Variants in PTPRT observed in about 807,000 individuals in gnomAD.
The protein encoded by PTPRT is receptor-type tyrosine-protein phosphatase T.
PTPRT carries 56 observed loss-of-function variants against 176.8 expected under a neutral mutation model. That is an observed-to-expected ratio of 0.32 (90% CI 0.26 to 0.40). The LOEUF (loss-of-function observed/expected upper bound fraction) is 0.40, where lower values mean the gene tolerates loss of function less well. PTPRT is among the 10% of genes least tolerant of loss of function. The pLI is 1.00. For synonymous variants in PTPRT, 783 were observed against 739.0 expected (o/e 1.06, Z -0.96); for missense variants, 1,540 against 1,908.2 (o/e 0.81, Z 3.60).
At chr20:42,725,776 A>G (rs2076369708) in intron 6 of PTPRT, among the ~76,000 whole-genome samples, 1 of 152,032 alleles carries the variant, frequency 6.6e-6, no homozygotes, top group Non-Finnish European at 1.5e-5. Context: ...TCAAAGATTT[A>G]GAACCAGAAA....
chr20:42,232,526 G>A (rs1029635012), intron 15 of PTPRT, among the ~76,000 whole-genome samples: 3 of 152,000 alleles, frequency 2.0e-5, no homozygotes, highest in Non-Finnish European at 2.9e-5. Context: ...GCTCCCCCTC[G>A]GGGCATATAC....
intron 2 of PTPRT, among the ~76,000 whole-genome samples, chr20:42,826,274 C>T (rs1403369342): frequency 6.6e-6 from 1 of 152,190 alleles, no homozygotes; most frequent in Non-Finnish European, 1.5e-5. Flanking sequence ...GAAGGCTTAT[C>T]TTTGGAAAAA....
At chr20:42,404,515 G>A (rs1218988346) in intron 9 of PTPRT, among the ~76,000 whole-genome samples, 2 of 152,078 alleles carry the variant, frequency 1.3e-5, no homozygotes, top group Non-Finnish European at 2.9e-5. Context: ...TGACTACAGG[G>A]CACTTAGAGA....
Position 42,128,827 on chromosome 20 carries a change from T to C in PTPRT, c.2774A>G (p.Asp925Gly). The C allele has an allele frequency of 6.2e-7, 1 of 1,605,634 alleles. No individual in the cohort carries two copies. The highest frequency in any genetic ancestry group is 8.5e-7 in the Non-Finnish European group (1 of 1,175,448). ...CACCAGCAGCCTCACCCGGGAATGG[T>C]CGTCTGCAGAGAGAGCAGAAATCAA... The part of the protein sequence containing the change: ...KNRYGNIISY[D>G]HSRVRLLVLD... The change falls in exon 19 of 31, where the codon GAC (aspartate) becomes GGC (glycine). Residue 925 changes from aspartate to glycine, a missense_variant. By Grantham distance (94) the Asp-to-Gly change is moderately conservative. Around this residue, in one of 11 missense-constraint regions of PTPRT, gnomAD observed 248 missense variants for 356.7 expected, o/e 0.70. Coordinates refer to ENST00000373187, the MANE Select transcript of PTPRT (RefSeq NM_007050.6).
chr20:42,911,028 A>G (rs1391568784), intron 1 of PTPRT, among the ~76,000 whole-genome samples: 1 of 152,106 alleles, frequency 6.6e-6, no homozygotes, highest in Non-Finnish European at 1.5e-5. Flanking sequence ...CTATCAGGAG[A>G]GCAGCATGGG....
rs934797614 is a variant in PTPRT at position 42,211,059 on chromosome 20, C to T, written c.2343-11671G>A. Among the ~76,000 whole-genome samples the T allele has an allele frequency of 5.8e-3, 877 of 152,116 alleles. 10 individuals are homozygous for T. The highest frequency in any genetic ancestry group is 0.02 in the African/African-American group (827 of 41,464). Reference sequence around the variant, plus strand: ...AAGCAATGGGGAAAGGATTCCCTCTCTAATAAATGGTGCTGGGTAAACTGG... The same window carrying T: ...AAGCAATGGGGAAAGGATTCCCTCTTTAATAAATGGTGCTGGGTAAACTGG... On this transcript the variant is annotated intron_variant, in intron 15 of 30. Coordinates refer to ENST00000373187, the MANE Select transcript of PTPRT (RefSeq NM_007050.6).
chr20:42,634,069 A>AT (rs1385963166), intron 7 of PTPRT, among the ~76,000 whole-genome samples: 1 of 38,900 alleles, frequency 2.6e-5, no homozygotes, highest in African/African-American at 1.2e-4. Flanking sequence ...TATATAATAT[A>AT]TATATAATAT....
At chr20:42,081,186 G>A (rs968072221) in intron 30 of PTPRT, among the ~76,000 whole-genome samples, 1 of 151,960 alleles carries the variant, frequency 6.6e-6, no homozygotes, top group Non-Finnish European at 1.5e-5. Flanking sequence ...TGTACAACAG[G>A]GCTTCTCAAA....
intron 1 of PTPRT, among the ~76,000 whole-genome samples, chr20:42,894,827 C>T (rs1181942471): frequency 6.6e-6 from 1 of 152,142 alleles, no homozygotes; most frequent in Non-Finnish European, 1.5e-5. Context: ...GGCTCTGCCC[C>T]TTCACCTCAT....
At chr20:42,609,567 ACT>A (rs1426230437) in intron 7 of PTPRT, among the ~76,000 whole-genome samples, 1 of 152,114 alleles carries the variant, frequency 6.6e-6, no homozygotes, top group Non-Finnish European at 1.5e-5. Flanking sequence ...CAAATCCAAC[ACT>A]GACTCTTTGC....
At chr20:42,289,365 A>C (rs939393227) in intron 12 of PTPRT, among the ~76,000 whole-genome samples, 1 of 152,096 alleles carries the variant, frequency 6.6e-6, no homozygotes, top group Non-Finnish European at 1.5e-5. Context: ...AGGAGAAAAT[A>C]TTTGTAAACT....
intron 6 of PTPRT, among the ~76,000 whole-genome samples, chr20:42,680,064 C>T (rs2146077346): frequency 6.6e-6 from 1 of 152,232 alleles, no homozygotes; most frequent in East Asian, 1.9e-4. Context: ...TTATAGAGGG[C>T]CTCTGGGTTA....
At chr20:42,863,549 G>A (rs2078696964) in intron 2 of PTPRT, among the ~76,000 whole-genome samples, 1 of 152,192 alleles carries the variant, frequency 6.6e-6, no homozygotes, top group African/African-American at 2.4e-5. Context: ...ACGAATTCAT[G>A]AGTAGTAACT....
intron 2 of PTPRT, among the ~76,000 whole-genome samples, chr20:42,837,268 C>T (rs6103061): frequency 0.015 from 2,314 of 152,310 alleles, 64 homozygotes; most frequent in African/African-American, 0.051. Context: ...GGGCCCAGCA[C>T]CTTGCTGCCT....
intron 22 of PTPRT, among the ~76,000 whole-genome samples, chr20:42,114,621 A>C (rs1224576000): frequency 6.6e-6 from 1 of 152,148 alleles, no homozygotes; most frequent in Non-Finnish European, 1.5e-5. Context: ...AATGTTTATA[A>C]GCATCTCTGG....
chr20:42,939,450 C>T (rs941764309), intron 1 of PTPRT, among the ~76,000 whole-genome samples: 9 of 152,300 alleles, frequency 5.9e-5, no homozygotes, highest in African/African-American at 2.2e-4. Flanking sequence ...TGTCTTCCCC[C>T]CTCCTTTTCC....
intron 12 of PTPRT, among the ~76,000 whole-genome samples, chr20:42,283,471 G>A (rs761069073): frequency 1.2e-4 from 18 of 152,094 alleles, no homozygotes; most frequent in Non-Finnish European, 2.6e-4. Context: ...GATAGGAAAG[G>A]TTAGGAGGCC....
intron 1 of PTPRT, among the ~76,000 whole-genome samples, chr20:43,097,357 T>C (rs1027696634): frequency 3.3e-5 from 5 of 152,206 alleles, no homozygotes; most frequent in Admixed American, 1.3e-4. Flanking sequence ...AGAGTCATTG[T>C]GAGTACCTGC....
chr20:42,090,248 C>A (rs995062032), intron 27 of PTPRT, among the ~76,000 whole-genome samples: 2 of 151,550 alleles, frequency 1.3e-5, no homozygotes, highest in African/African-American at 4.8e-5. Flanking sequence ...GATTTTTTTC[C>A]TCCACTTAGT....
Sources: allele counts gnomAD v4.1 joint callset (sites outside exome capture counted in the v4.1 genomes callset), GRCh38; gene constraint gnomAD v4.1.1; regional missense constraint gnomAD v4.1.1; transcripts MANE v1.5; gene names NCBI Gene and HGNC (gene_info 2026-07-23, HGNC 2026-07-21).